The following LARGE1 variants were observed in gnomAD, a reference collection of about 807,000 sequenced individuals.
LARGE1 encodes the protein LARGE xylosyl- and glucuronyltransferase 1.
Under a neutral mutation model 87.6 loss-of-function variants are expected in LARGE1, and 43 were observed. The ratio of observed to expected loss-of-function variants is 0.49; its 90% CI spans 0.38 to 0.63. LARGE1 has a LOEUF of 0.63. Ranked by LOEUF, LARGE1 falls within the 30% of genes least tolerant of loss-of-function variation. LARGE1 has a pLI of 0.00. For synonymous variants in LARGE1, 434 were observed against 394.6 expected, an observed-to-expected ratio of 1.10 and a Z score of -1.18; for missense variants, 802 against 1,000.2, an observed-to-expected ratio of 0.80 and a Z score of 2.67.
intron 2 of LARGE1, among the ~76,000 whole-genome samples, chr22:33,715,577 A>ATCCAGCATCACTCTATGACCC (rs2082884716): frequency 6.6e-6 from 1 of 152,158 alleles, no homozygotes; most frequent in South Asian, 2.1e-4. Flanking sequence ...CCTAAACTTT[A>ATCCAGCATCACTCTATGACCC]TCCAGCATCA....
chr22:33,343,306 G>C (rs955424762), intron 9 of LARGE1, among the ~76,000 whole-genome samples: 1 of 152,020 alleles, frequency 6.6e-6, no homozygotes, highest in African/African-American at 2.4e-5. Flanking sequence ...TTTTTGTAGA[G>C]CTTAGGTCTC....
intron 11 of LARGE1, among the ~76,000 whole-genome samples, chr22:33,172,583 T>A (rs1323710960): frequency 1.3e-5 from 2 of 152,174 alleles, no homozygotes; most frequent in Admixed American, 6.5e-5. Context: ...GGATATTGTC[T>A]ATGATGTGAA....
At chr22:33,895,583 C>A (rs537095693) in intron 1 of LARGE1, among the ~76,000 whole-genome samples, 6 of 152,286 alleles carry the variant, frequency 3.9e-5, no homozygotes, top group South Asian at 4.2e-4. Context: ...TTTCCTTGTG[C>A]CTGAGGTCCT....
chr22:33,600,479 AG>A (rs1194440781), intron 5 of LARGE1, among the ~76,000 whole-genome samples: 1 of 152,222 alleles, frequency 6.6e-6, no homozygotes, highest in Non-Finnish European at 1.5e-5. Flanking sequence ...ATGTGATTCT[AG>A]GAGAACATGT....
chr22:33,269,452 G>A (rs904297813), downstream of LARGE1, among the ~76,000 whole-genome samples: 14 of 152,266 alleles, frequency 9.2e-5, no homozygotes, highest in African/African-American at 3.1e-4. Flanking sequence ...ATGAGTAGAT[G>A]CTCAATACAT....
At chr22:33,689,185 A>ATGTG (rs112442829) in intron 2 of LARGE1, among the ~76,000 whole-genome samples, 3 of 144,522 alleles carry the variant, frequency 2.1e-5, no homozygotes, top group African/African-American at 2.6e-5. Context: ...CTGTGTGTGT[A>ATGTG]TGTGTGTGTG....
chr22:33,471,059 G>A (rs1258670824), intron 6 of LARGE1, among the ~76,000 whole-genome samples: 4 of 134,734 alleles, frequency 3.0e-5, no homozygotes, highest in African/African-American at 5.6e-5. Context: ...AGAGAGTCTC[G>A]CTTTGACTCC....
chr22:33,288,462 C>T (rs1249037454), intron 12 of LARGE1, among the ~76,000 whole-genome samples: 2 of 152,202 alleles, frequency 1.3e-5, no homozygotes, highest in Non-Finnish European at 2.9e-5. Context: ...TATCAGTACA[C>T]ATATCACTAT....
chr22:33,556,556 GAGGGAGGGAGGCAGGCAGGC>G (rs2077690101), intron 6 of LARGE1, among the ~76,000 whole-genome samples: 3 of 100,498 alleles, frequency 3.0e-5, no homozygotes, highest in East Asian at 3.0e-4. Flanking sequence ...GGGAGGGAGG[GAGGGAGGGAGGCAGGCAGGC>G]AGGCAGGCAG....
chr22:33,337,901 T>C, intron 9 of LARGE1, 100 bp from the exon 10 acceptor site: 1 of 1,305,590 alleles, frequency 7.7e-7, no homozygotes, highest in East Asian at 2.4e-5. Context: ...TAAGCATTAT[T>C]TGAGGGTCTG....
At chr22:33,700,575 C>T (rs1046598982) in intron 2 of LARGE1, among the ~76,000 whole-genome samples, 2 of 152,160 alleles carry the variant, frequency 1.3e-5, no homozygotes, top group Non-Finnish European at 2.9e-5. Flanking sequence ...CGGTGGACTT[C>T]ATCTCTGAAT....
the LARGE1 span, among the ~76,000 whole-genome samples, chr22:33,068,373 C>T: frequency 1.3e-5 from 2 of 152,282 alleles, no homozygotes; most frequent in Non-Finnish European, 2.9e-5. Context: ...GGGCCGGGCA[C>T]GGTGGCTCAC....
chr22:33,177,614 A>G (rs1164018373), intron 11 of LARGE1, among the ~76,000 whole-genome samples: 1 of 152,236 alleles, frequency 6.6e-6, no homozygotes, highest in Non-Finnish European at 1.5e-5. Flanking sequence ...GGATAAAGAA[A>G]AAAAAATCTC....
intron 1 of LARGE1, among the ~76,000 whole-genome samples, chr22:33,892,146 A>T (rs1309587295): frequency 2.4e-4 from 36 of 152,162 alleles, no homozygotes; most frequent in Admixed American, 2.3e-3. Flanking sequence ...CACATCAGTC[A>T]TTTGTTGCAT....
At chr22:33,472,531 T>TG (rs1247636164) in intron 6 of LARGE1, among the ~76,000 whole-genome samples, 4 of 152,108 alleles carry the variant, frequency 2.6e-5, no homozygotes, top group Non-Finnish European at 5.9e-5. Context: ...AGGATGCCAT[T>TG]GGCTAAATTT....
At chr22:33,231,628 G>C (rs549327770) in intron 11 of LARGE1, among the ~76,000 whole-genome samples, 1 of 152,092 alleles carries the variant, frequency 6.6e-6, no homozygotes, top group Admixed American at 6.5e-5. Flanking sequence ...ATTTGGAGGG[G>C]ACCATAAAAC....
At position 33,385,216 on chromosome 22, in the gene LARGE1, T is replaced by A. The variant is rs899277241; in HGVS notation, c.893-912A>T. On this transcript the variant is annotated intron_variant, in intron 7 of 14. Coordinates refer to ENST00000397394, the MANE Select transcript of LARGE1 (RefSeq NM_133642.5). Reference sequence around the variant, plus strand: ...TGTTTAGGGAGGGAAACTCCCCTTGTCTATATCCTTTTGTGTTTTTTAAAA... The same window carrying A: ...TGTTTAGGGAGGGAAACTCCCCTTGACTATATCCTTTTGTGTTTTTTAAAA... Among the ~76,000 whole-genome samples the A allele has an allele frequency of 1.1e-4, 16 of 148,668 alleles. 3 individuals are homozygous for A. Among genetic ancestry groups the A allele is most frequent in the Admixed American group, 3.3e-4 (5 of 14,934 alleles).
At chr22:33,841,456 G>C (rs578026476) in intron 1 of LARGE1, among the ~76,000 whole-genome samples, 2 of 152,122 alleles carry the variant, frequency 1.3e-5, no homozygotes, top group Non-Finnish European at 2.9e-5. Flanking sequence ...TCATCCACAC[G>C]GACTTCATAC....
intron 1 of LARGE1, among the ~76,000 whole-genome samples, chr22:33,813,215 C>T (rs576821486): frequency 5.3e-5 from 8 of 149,748 alleles, no homozygotes; most frequent in Non-Finnish European, 1.2e-4. Context: ...ATCGTGCCAT[C>T]ACTCCAGCCT....
Sources: allele counts gnomAD v4.1 joint callset (sites outside exome capture counted in the v4.1 genomes callset), GRCh38; gene constraint gnomAD v4.1.1; transcripts MANE v1.5; gene names NCBI Gene and HGNC (gene_info 2026-07-23, HGNC 2026-07-21).